Variants in LRRC37A2 observed in about 807,000 individuals in gnomAD.
LRRC37A2 encodes leucine-rich repeat-containing protein 37A2.
Under a neutral mutation model 68.8 loss-of-function variants are expected in LRRC37A2, and 9 were observed. The ratio of observed to expected loss-of-function variants is 0.13; its 90% CI spans 0.08 to 0.23. LRRC37A2 has a LOEUF of 0.23. Among genes scored for constraint, LRRC37A2 ranks in the 10% least tolerant of loss-of-function variants. The pLI is 1.00. For synonymous variants in LRRC37A2, 63 were observed against 367.6 expected (o/e 0.17, Z 9.48); for missense variants, 168 against 950.4 (o/e 0.18, Z 10.82).
the LRRC37A2 span, among the ~76,000 whole-genome samples, chr17:47,048,677 A>G: frequency 2.1e-5 from 1 of 47,384 alleles, no homozygotes; most frequent in African/African-American, 6.6e-5. Flanking sequence ...AGGATCTATC[A>G]GCAATGGGAG....
chr17:46,833,007 T>C, the LRRC37A2 span: 1 of 274,000 alleles, frequency 3.6e-6, no homozygotes, highest in African/African-American at 2.3e-5. Flanking sequence ...CAGGCCCCTT[T>C]AGGCTGTGCC....
downstream of LRRC37A2, among the ~76,000 whole-genome samples, chr17:46,558,033 A>G (rs1360127191): frequency 7.2e-6 from 1 of 139,090 alleles, no homozygotes; most frequent in Non-Finnish European, 1.6e-5. Context: ...GAGAAAAGAT[A>G]TCCACAGGGA....
At chr17:46,810,627 T>A in the LRRC37A2 span, among the ~76,000 whole-genome samples, 1 of 152,060 alleles carries the variant, frequency 6.6e-6, no homozygotes, top group Non-Finnish European at 1.5e-5. Flanking sequence ...GTCTCACAGC[T>A]CTTTGTGTGT....
At chr17:46,854,974 A>G in the LRRC37A2 span, among the ~76,000 whole-genome samples, 1 of 152,124 alleles carries the variant, frequency 6.6e-6, no homozygotes, top group Non-Finnish European at 1.5e-5. Context: ...ACTTTCTCAT[A>G]CAGCCATCTC....
the LRRC37A2 span, chr17:46,933,510 A>G: frequency 2.0e-5 from 3 of 152,238 alleles, no homozygotes; most frequent in Admixed American, 1.3e-4. Flanking sequence ...AGTAAAGCAC[A>G]TGATGAAATT....
At chr17:46,936,049 C>A in the LRRC37A2 span, 3 of 985,788 alleles carry the variant, frequency 3.0e-6, no homozygotes, top group South Asian at 4.7e-5. Flanking sequence ...CAGTCCCTGC[C>A]ATCTCTACGG....
the LRRC37A2 span, among the ~76,000 whole-genome samples, chr17:46,695,204 C>T: frequency 1.5e-5 from 2 of 132,486 alleles, no homozygotes; most frequent in Non-Finnish European, 3.2e-5. Flanking sequence ...TGAGATTGCG[C>T]CACTGCACTC....
At chr17:46,957,165 C>G in the LRRC37A2 span, among the ~76,000 whole-genome samples, 1 of 152,100 alleles carries the variant, frequency 6.6e-6, no homozygotes, top group African/African-American at 2.4e-5. Flanking sequence ...AAAAATTAGG[C>G]ACAGTGGCAT....
chr17:46,773,989 C>T, the LRRC37A2 span: 1 of 1,547,058 alleles, frequency 6.5e-7, no homozygotes, highest in African/African-American at 1.4e-5. Context: ...CTTTGTGAAC[C>T]CTCCGGGGTA....
At chr17:46,503,201 G>A in the LRRC37A2 span, among the ~76,000 whole-genome samples, 1 of 118,164 alleles carries the variant, frequency 8.5e-6, no homozygotes, top group Admixed American at 8.7e-5. Flanking sequence ...GACAGAGGGA[G>A]ACTCCGTCTC....
the LRRC37A2 span, among the ~76,000 whole-genome samples, chr17:46,839,695 A>G: frequency 2.0e-5 from 3 of 149,824 alleles, no homozygotes; most frequent in African/African-American, 7.4e-5. Context: ...CCCCCCCGCC[A>G]AGAGGCCCCA....
At chr17:46,793,184 G>A in the LRRC37A2 span, among the ~76,000 whole-genome samples, 1 of 147,110 alleles carries the variant, frequency 6.8e-6, no homozygotes, top group Non-Finnish European at 1.5e-5. Context: ...TGAGTTGGGA[G>A]GATTGCTTGA....
At chr17:47,045,465 C>T in the LRRC37A2 span, among the ~76,000 whole-genome samples, 21 of 150,034 alleles carry the variant, frequency 1.4e-4, no homozygotes, top group African/African-American at 4.6e-4. Flanking sequence ...ATGACAAGGC[C>T]AAGGAACAGA....
the LRRC37A2 span, chr17:46,978,701 C>T: frequency 6.2e-7 from 1 of 1,611,924 alleles, no homozygotes; most frequent in Non-Finnish European, 8.5e-7. Flanking sequence ...CGCTCCTGCA[C>T]CAGAAAGTTG....
chr17:47,027,873 C>T, the LRRC37A2 span, among the ~76,000 whole-genome samples: 3 of 152,110 alleles, frequency 2.0e-5, no homozygotes, highest in South Asian at 2.1e-4. Flanking sequence ...TGGTAATGTC[C>T]GGAGACAGTT....
At chr17:46,489,219 C>T in the LRRC37A2 span, among the ~76,000 whole-genome samples, 3 of 83,774 alleles carry the variant, frequency 3.6e-5, no homozygotes, top group Non-Finnish European at 7.8e-5. Context: ...CTCACTGCAA[C>T]CTCCATCTCC....
chr17:46,843,436 G>GA, the LRRC37A2 span, among the ~76,000 whole-genome samples: 141 of 149,920 alleles, frequency 9.4e-4, no homozygotes, highest in African/African-American at 2.8e-3. Context: ...AAGAAGGACT[G>GA]AAAAAAAAAA....
the LRRC37A2 span, among the ~76,000 whole-genome samples, chr17:46,917,584 G>T: frequency 6.6e-6 from 1 of 152,328 alleles, no homozygotes; most frequent in African/African-American, 2.4e-5. Context: ...ACAGTTCCCA[G>T]GCTGGAGTTG....
the LRRC37A2 span, among the ~76,000 whole-genome samples, chr17:46,795,898 A>G: frequency 6.6e-6 from 1 of 152,048 alleles, no homozygotes; most frequent in Non-Finnish European, 1.5e-5. Context: ...ACACACATGC[A>G]TGCACGCACA....
Sources: gnomAD v4.1 joint callset for allele counts (sites outside exome capture counted in the v4.1 genomes callset) on GRCh38, gnomAD v4.1.1 for gene constraint, MANE v1.5 for transcripts, NCBI Gene and HGNC (gene_info 2026-07-23, HGNC 2026-07-21) for gene names.